MOB4: variants seen among roughly 807,000 people sequenced by gnomAD.
MOB4 encodes MOB family member 4, phocein.
Under a neutral mutation model 32.2 loss-of-function variants are expected in MOB4, and 4 were observed. The observed-to-expected ratio is 0.12, with a 90% CI of 0.06 to 0.28. The LOEUF (loss-of-function observed/expected upper bound fraction) is 0.28, where lower values mean the gene tolerates loss of function less well. MOB4 is among the 10% of genes least tolerant of loss of function. The pLI is 1.00. For missense variants in MOB4, 158 were observed against 271.2 expected (o/e 0.58, Z 2.93); for synonymous variants, 88 against 88.1 (o/e 1.00, Z 0.01).
chr2:197,530,432 CTT>C (rs755751763), intron 2 of MOB4, among the ~76,000 whole-genome samples: 10 of 143,092 alleles, frequency 7.0e-5, no homozygotes, highest in Admixed American at 1.4e-4. Flanking sequence ...CCCTGGCTGA[CTT>C]TTTTTTTTTT....
intron 1 of MOB4, among the ~76,000 whole-genome samples, chr2:197,519,325 C>G (rs1227792381): frequency 2.0e-5 from 3 of 152,184 alleles, no homozygotes; most frequent in Non-Finnish European, 4.4e-5. Flanking sequence ...ATTTCATTCT[C>G]AACATCTTTT....
intron 2 of MOB4, 42 bp from the exon 3 acceptor site, chr2:197,535,488 G>C (rs1225342939): frequency 6.5e-7 from 1 of 1,535,432 alleles, no homozygotes; most frequent in Admixed American, 2.1e-5. Flanking sequence ...GATTTACCAG[G>C]TGATATAATT....
intron 2 of MOB4, among the ~76,000 whole-genome samples, chr2:197,524,539 A>C (rs2086575071): frequency 6.6e-6 from 1 of 151,900 alleles, no homozygotes; most frequent in South Asian, 2.1e-4. Flanking sequence ...TCAAAAAAAA[A>C]AAAAAAAACA....
At chr2:197,516,451 G>C (rs1674393030) in intron 1 of MOB4, 2 of 1,185,780 alleles carry the variant, frequency 1.7e-6, no homozygotes, top group Non-Finnish European at 2.2e-6. Context: ...TTCTCGCCTT[G>C]CCCCTGAGCC....
intron 2 of MOB4, among the ~76,000 whole-genome samples, chr2:197,531,047 ATT>A (rs1356113486): frequency 0.051 from 4,791 of 93,922 alleles, 254 homozygotes; most frequent in African/African-American, 0.17. Context: ...TTTTATTTTT[ATT>A]TTTATTTTTT....
At chr2:197,526,701 A>T (rs2086617563) in intron 2 of MOB4, among the ~76,000 whole-genome samples, 1 of 152,246 alleles carries the variant, frequency 6.6e-6, no homozygotes. Context: ...GTTGCTCAAC[A>T]TTGGGAATAT....
At chr2:197,546,429 C>T (rs904942290) in intron 5 of MOB4, among the ~76,000 whole-genome samples, 6 of 151,972 alleles carry the variant, frequency 3.9e-5, no homozygotes, top group South Asian at 2.1e-4. Flanking sequence ...CGAAATCTTA[C>T]CCTGTTATCC....
intron 1 of MOB4, among the ~76,000 whole-genome samples, chr2:197,521,354 A>G (rs1348670521): frequency 6.6e-6 from 1 of 152,246 alleles, no homozygotes; most frequent in African/African-American, 2.4e-5. Flanking sequence ...AAGATCACGT[A>G]CTTCACAAGG....
intron 6 of MOB4, among the ~76,000 whole-genome samples, chr2:197,549,722 G>C (rs1192912436): frequency 2.0e-5 from 3 of 151,806 alleles, no homozygotes; most frequent in Non-Finnish European, 4.4e-5. Flanking sequence ...GCTGATTTTT[G>C]TATTTTCTAG....
intron 2 of MOB4, among the ~76,000 whole-genome samples, 191 bp downstream of exon 2, chr2:197,523,877 A>C (rs1176949310): frequency 6.6e-6 from 1 of 152,220 alleles, no homozygotes; most frequent in Non-Finnish European, 1.5e-5. Context: ...TGACATAGTT[A>C]AGTATTCTTA....
rs1475696767 is a variant in MOB4, at chr2:197,551,593, A to G, written c.*947A>G. On this transcript the variant is annotated 3_prime_UTR_variant, in exon 8 of 8. Transcript: ENST00000323303. Reference sequence around the variant, plus strand: ...TTAAAATAGTTTGACTCTTCCTGTTAGTAATATATTAATCTTTCATTTAAC... The same window carrying G: ...TTAAAATAGTTTGACTCTTCCTGTTGGTAATATATTAATCTTTCATTTAAC... 2.0e-5 allele frequency: 3 copies of G among 152,756 alleles called. No homozygotes were observed. The highest frequency in any genetic ancestry group is 4.8e-5 in the African/African-American group (2 of 41,446). 9.5% of individuals were successfully genotyped at this position (152,756 alleles called of 1,614,324 possible).
intron 1 of MOB4, among the ~76,000 whole-genome samples, chr2:197,517,241 A>G (rs565890458): frequency 5.3e-5 from 8 of 152,320 alleles, no homozygotes; most frequent in Admixed American, 5.2e-4. Context: ...CTGATTCTTA[A>G]TTCACTGGTG....
At chr2:197,540,662 A>T (rs1450078542) in intron 5 of MOB4, among the ~76,000 whole-genome samples, 1 of 152,228 alleles carries the variant, frequency 6.6e-6, no homozygotes, top group Non-Finnish European at 1.5e-5. Flanking sequence ...TCACTTCATG[A>T]TCCACTGGCT....
At chr2:197,538,793 T>A (rs1445072784) in intron 3 of MOB4, among the ~76,000 whole-genome samples, 2 of 152,222 alleles carry the variant, frequency 1.3e-5, no homozygotes, top group African/African-American at 2.4e-5. Flanking sequence ...TTATTACCAC[T>A]TGGTGGAAAA....
intron 5 of MOB4, among the ~76,000 whole-genome samples, chr2:197,542,023 G>A (rs181198414): frequency 6.6e-6 from 1 of 152,358 alleles, no homozygotes; most frequent in African/African-American, 2.4e-5. Flanking sequence ...GCTACTTAAC[G>A]TAGTGAATGA....
intron 3 of MOB4, among the ~76,000 whole-genome samples, chr2:197,538,431 C>T (rs1396241131): frequency 6.9e-6 from 1 of 145,724 alleles, no homozygotes; most frequent in Non-Finnish European, 1.5e-5. Flanking sequence ...TGATTTGAGG[C>T]TGTATACTTG....
At position 197,518,479 on chromosome 2, in the gene MOB4, C is replaced by A. The variant is rs1574621309; in HGVS notation, c.60+2333C>A. On this transcript the variant is annotated intron_variant, in intron 1 of 7. Coordinates refer to ENST00000323303, the MANE Select transcript of MOB4 (RefSeq NM_015387.5). ...GTTTCACCATGTTAACCAGGCTGGT[C>A]TCGAACTCCTGACCTCAGGTGATCT... Among the ~76,000 whole-genome samples the A allele has an allele frequency of 2.0e-5, 3 of 149,310 alleles. No individual in the cohort carries two copies. In the Middle Eastern group the frequency reaches 0.011, roughly 570 times the overall value.
upstream of MOB4, chr2:197,516,059 C>T (rs774307630): frequency 4.5e-6 from 7 of 1,566,722 alleles, no homozygotes; most frequent in South Asian, 5.9e-5. Flanking sequence ...ATCCGGGTAC[C>T]GACTCCAGCC....
rs529528201 is a variant in MOB4 at position 197,518,594 on chromosome 2, G to A, written c.60+2448G>A. On this transcript the variant is annotated intron_variant, in intron 1 of 7. Coordinates refer to ENST00000323303, the MANE Select transcript of MOB4 (RefSeq NM_015387.5). Reference sequence around the variant, plus strand: ...TTTTTTGTGTGTGAGGCAGAGTCTCGTTCTGTCGCCCAGGCTAGAGTGCAG... The same window carrying A: ...TTTTTTGTGTGTGAGGCAGAGTCTCATTCTGTCGCCCAGGCTAGAGTGCAG... Among the ~76,000 whole-genome samples the A allele has an allele frequency of 5.0e-4, 74 of 149,210 alleles. 2 individuals carry two copies. In the South Asian group the frequency reaches 8.2e-3, roughly 17 times the overall value.
Sources: allele counts gnomAD v4.1 joint callset (sites outside exome capture counted in the v4.1 genomes callset), GRCh38; gene constraint gnomAD v4.1.1; transcripts MANE v1.5; gene names NCBI Gene and HGNC (gene_info 2026-07-23, HGNC 2026-07-21).